ADGRV1: variants seen among roughly 807,000 people sequenced by gnomAD.
ADGRV1 encodes G-protein coupled receptor 98.
In ADGRV1, 359 loss-of-function variants were observed where a neutral mutation model predicts 596.2. The ratio of observed to expected loss-of-function variants is 0.60; its 90% CI spans 0.55 to 0.66. The LOEUF is 0.66. Among genes scored for constraint, ADGRV1 ranks in the 30% least tolerant of loss-of-function variants. The pLI, the probability that ADGRV1 is intolerant of heterozygous loss-of-function variation, is 0.00. For synonymous variants in ADGRV1, 2,681 were observed against 2,679.2 expected, an observed-to-expected ratio of 1.00 and a Z score of -0.02; for missense variants, 7,274 against 7,575.6, an observed-to-expected ratio of 0.96 and a Z score of 1.48.
At chr5:91,156,179 A>ATTT (rs1308503112) in intron 89 of ADGRV1, among the ~76,000 whole-genome samples, 1 of 152,208 alleles carries the variant, frequency 6.6e-6, no homozygotes, top group East Asian at 1.9e-4. Flanking sequence ...ATGCATCAGC[A>ATTT]CAGAGATGAT....
chr5:90,704,630 C>CA (rs376812592), intron 36 of ADGRV1, 142 bp downstream of exon 36: 16 of 539,398 alleles, frequency 3.0e-5, no homozygotes, highest in South Asian at 5.7e-5. Flanking sequence ...AATGTTAGAT[C>CA]AAAAAAAATT....
At chr5:90,832,292 A>G (rs1231890230) in intron 77 of ADGRV1, among the ~76,000 whole-genome samples, 1 of 152,072 alleles carries the variant, frequency 6.6e-6, no homozygotes, top group Non-Finnish European at 1.5e-5. Flanking sequence ...CATAAAAGCC[A>G]TTTAATTGAG....
intron 13 of ADGRV1, among the ~76,000 whole-genome samples, chr5:90,643,253 GA>G (rs1767234011): frequency 6.6e-6 from 1 of 151,958 alleles, no homozygotes; most frequent in South Asian, 2.1e-4. Context: ...TCCACATGAA[GA>G]AATAACAAAC....
chr5:90,936,865 T>C (rs975243039), intron 83 of ADGRV1, among the ~76,000 whole-genome samples: 1 of 152,162 alleles, frequency 6.6e-6, no homozygotes, highest in African/African-American at 2.4e-5. Context: ...AATTTAATAA[T>C]ATTGGATAAA....
intron 31 of ADGRV1, 50 bp from the exon 32 acceptor site, chr5:90,692,555 C>T: frequency 2.9e-6 from 4 of 1,384,664 alleles, no homozygotes; most frequent in South Asian, 1.4e-5. Flanking sequence ...CATTTTTATT[C>T]TAATTTCAGA....
chr5:90,594,776 T>G (rs1760037066), intron 1 of ADGRV1, among the ~76,000 whole-genome samples: 1 of 150,820 alleles, frequency 6.6e-6, no homozygotes, highest in Non-Finnish European at 1.5e-5. Flanking sequence ...ACACAGCACA[T>G]GTTTCAGAGA....
chr5:90,615,975 A>G (rs1371551600), intron 2 of ADGRV1, among the ~76,000 whole-genome samples: 3 of 151,886 alleles, frequency 2.0e-5, no homozygotes, highest in Admixed American at 1.3e-4. Flanking sequence ...GTTTACATAT[A>G]TTTTGATTTT....
chr5:90,936,992 C>A (rs1487285318), intron 83 of ADGRV1, among the ~76,000 whole-genome samples: 4 of 152,056 alleles, frequency 2.6e-5, no homozygotes, highest in Non-Finnish European at 4.4e-5. Flanking sequence ...TTGAAAATAT[C>A]ATTTCATTGT....
chr5:90,768,920 A>G (rs1486967789), intron 59 of ADGRV1, among the ~76,000 whole-genome samples: 1 of 152,186 alleles, frequency 6.6e-6, no homozygotes, highest in Middle Eastern at 3.2e-3. Context: ...GCAAAGCATG[A>G]GGCAGTTGAA....
rs756916117 is a variant in ADGRV1 at position 90,720,099 on chromosome 5, T to G, written c.9499T>G (p.Phe3167Val). Residue 3167 changes from phenylalanine (F) to valine (V), a missense_variant, in exon 44 of 90, where the codon TTT becomes GTT. Transcript: ENST00000405460. ...CACGGAACCAGAAATGGATGAGTAT[T>G]TTGTTTGCACCTTGTTTAATCCAAC... ...LDTEPEMDEY[F>V]VCTLFNPTGG... The G allele has an allele frequency of 7.4e-6, 12 of 1,613,670 alleles. No homozygotes were observed. The highest frequency in any genetic ancestry group is 3.3e-5 in the Admixed American group (2 of 60,004).
chr5:90,963,563 G>A (rs115354256), intron 83 of ADGRV1, among the ~76,000 whole-genome samples: 285 of 151,840 alleles, frequency 1.9e-3, no homozygotes, highest in Middle Eastern at 6.9e-3. Context: ...GCTGGCATGC[G>A]TTCTTTTTAA....
chr5:91,048,651 C>T (rs1786047632), intron 85 of ADGRV1, among the ~76,000 whole-genome samples: 1 of 152,124 alleles, frequency 6.6e-6, no homozygotes, highest in Non-Finnish European at 1.5e-5. Flanking sequence ...CTTTCTTTCT[C>T]TCTTTCTGAC....
At chr5:91,047,216 C>T (rs1194738656) in intron 85 of ADGRV1, among the ~76,000 whole-genome samples, 2 of 152,090 alleles carry the variant, frequency 1.3e-5, no homozygotes, top group Non-Finnish European at 1.5e-5. Context: ...AAACAGTTCC[C>T]TTATTGTTAT....
chr5:90,716,378 C>T (rs1750111609), intron 42 of ADGRV1, 89 bp from the exon 43 acceptor site: 7 of 883,808 alleles, frequency 7.9e-6, no homozygotes, highest in Non-Finnish European at 9.9e-6. Context: ...AAAGAGTTGG[C>T]CTAGTTTTCA....
chr5:90,759,533 T>C lies in ADGRV1; in HGVS notation c.12065T>C (p.Val4022Ala), dbSNP rs1756227668. 1 of 1,613,276 alleles carries C rather than the reference T, an allele frequency of 6.2e-7. No individual in the cohort carries two copies. The highest frequency in any genetic ancestry group is 1.6e-4 in the Middle Eastern group (1 of 6,062). The change falls in exon 58 of 90, where the codon GTT becomes GCT. Residue 4022 changes from valine (V) to alanine (A), a missense_variant. Val to Ala is a moderately conservative substitution (Grantham distance 64). This residue lies in a region of ADGRV1 where 3,643 missense variants were observed against 3,809.2 expected (regional missense o/e 0.96). Transcript: ENST00000405460. ...GRLGDDVVVTVVIPQNDSPFG... is the reference protein window; with the variant it reads ...GRLGDDVVVTAVIPQNDSPFG... The stretch of plus-strand genomic sequence containing the variant: ...CTTGGTGATGATGTTGTGGTAACTG[T>C]TGTTATTCCACAAAATGATTCTCCA...
chr5:90,823,387 AC>A, intron 75 of ADGRV1, 37 bp from the exon 76 acceptor site: 1 of 1,599,634 alleles, frequency 6.3e-7, no homozygotes, highest in Non-Finnish European at 8.5e-7. Flanking sequence ...TGGGGATGAC[AC>A]CCTCTGTTAA....
intron 1 of ADGRV1, among the ~76,000 whole-genome samples, chr5:90,580,329 T>A (rs1457206203): frequency 6.6e-6 from 1 of 152,178 alleles, no homozygotes; most frequent in Non-Finnish European, 1.5e-5. Flanking sequence ...TCTCTCAGCA[T>A]TTGCTTGTCT....
At chr5:90,639,453 A>G (rs1766694527) in intron 11 of ADGRV1, among the ~76,000 whole-genome samples, 1 of 152,188 alleles carries the variant, frequency 6.6e-6, no homozygotes, top group African/African-American at 2.4e-5. Context: ...TATTCTTTCT[A>G]ACTATTCATT....
chr5:90,930,510 A>G (rs550429526), intron 83 of ADGRV1, among the ~76,000 whole-genome samples: 1 of 152,334 alleles, frequency 6.6e-6, no homozygotes, highest in South Asian at 2.1e-4. Context: ...TATTCAATGT[A>G]TGAATTCTTG....
Sources: gnomAD v4.1 joint callset for allele counts (sites outside exome capture counted in the v4.1 genomes callset) on GRCh38, gnomAD v4.1.1 for gene constraint, gnomAD v4.1.1 regional missense constraint, MANE v1.5 for transcripts, NCBI Gene and HGNC (gene_info 2026-07-23, HGNC 2026-07-21) for gene names.